HPSE2: variants seen among roughly 807,000 people sequenced by gnomAD.
The protein encoded by HPSE2 is heparanase 2 (inactive), also known as inactive heparanase-2.
A neutral mutation model predicts 60.5 loss-of-function variants in HPSE2; 38 were observed. The observed-to-expected ratio is 0.63, with a 90% confidence interval of 0.48 to 0.82. The LOEUF (loss-of-function observed/expected upper bound fraction) is 0.82. Among genes scored for constraint, HPSE2 ranks in the 40% least tolerant of loss-of-function variants. HPSE2 has a pLI of 0.00. For missense variants in HPSE2, 713 were observed against 740.4 expected, an observed-to-expected ratio of 0.96 and a Z score of 0.43; for synonymous variants, 295 against 293.2, an observed-to-expected ratio of 1.01 and a Z score of -0.06.
rs146450980 is a variant in HPSE2 at position 98,911,246 on chromosome 10, ATTGT to A, written c.611-167194_611-167191del. Among the ~76,000 whole-genome samples, 532 of 152,242 alleles carry A rather than the reference ATTGT, an allele frequency of 3.5e-3. 2 individuals are homozygous for A. The highest frequency in any genetic ancestry group is 0.012 in the African/African-American group (508 of 41,536). The stretch of plus-strand genomic sequence containing the variant: ...CACATTAATTGGAGTCAACTTCCAG[ATTGT>A]TTGTTAGGAGCTGCAGGAGATAAGT... On this transcript the variant is annotated intron_variant, in intron 3 of 11. Coordinates refer to ENST00000370552, the MANE Select transcript of HPSE2 (RefSeq NM_021828.5).
chr10:99,210,216 G>A (rs1426806941), intron 2 of HPSE2, among the ~76,000 whole-genome samples: 3 of 152,086 alleles, frequency 2.0e-5, no homozygotes, highest in African/African-American at 7.2e-5. Flanking sequence ...TACCAAGACT[G>A]AATCGTGAAG....
At chr10:98,532,840 G>A (rs557369319) in intron 9 of HPSE2, among the ~76,000 whole-genome samples, 1 of 152,250 alleles carries the variant, frequency 6.6e-6, no homozygotes, top group African/African-American at 2.4e-5. Context: ...TGCAGACCCT[G>A]GAAGAGCTTC....
intron 7 of HPSE2, among the ~76,000 whole-genome samples, chr10:98,632,086 C>T (rs1338497594): frequency 2.0e-5 from 3 of 152,112 alleles, no homozygotes; most frequent in African/African-American, 7.2e-5. Context: ...GTGGGCAATA[C>T]TGAATAGTGT....
At chr10:98,656,820 G>A (rs1375511686) in intron 6 of HPSE2, among the ~76,000 whole-genome samples, 1 of 149,380 alleles carries the variant, frequency 6.7e-6, no homozygotes, top group Non-Finnish European at 1.5e-5. Context: ...GGAGTGCAGT[G>A]GCCTGATTTT....
chr10:99,164,590 C>T (rs1426342683), intron 2 of HPSE2, among the ~76,000 whole-genome samples: 1 of 152,014 alleles, frequency 6.6e-6, no homozygotes, highest in Non-Finnish European at 1.5e-5. Flanking sequence ...GGTATCACTA[C>T]TTCTAGACCC....
Position 99,211,262 on chromosome 10 carries a change from T to C in HPSE2, c.448+21086A>G, listed in dbSNP as rs1274469841. Among the ~76,000 whole-genome samples the C allele has an allele frequency of 3.3e-5, 5 of 151,994 alleles. No individual in the cohort carries two copies. In the South Asian group the frequency reaches 1.0e-3, roughly 32 times the overall value. ...ATCCCATGTTCATGGATTCAAAGAA[T>C]AAATATCATTGAAATATCCATACTA... On this transcript the variant is annotated intron_variant, in intron 2 of 11. Coordinates refer to ENST00000370552, the MANE Select transcript of HPSE2 (RefSeq NM_021828.5).
At chr10:98,480,257 T>C (rs1024636226) in intron 11 of HPSE2, among the ~76,000 whole-genome samples, 1 of 151,242 alleles carries the variant, frequency 6.6e-6, no homozygotes, top group African/African-American at 2.4e-5. Context: ...AATTTTTGTA[T>C]TTTTTTTGTA....
At chr10:98,528,063 A>T (rs1024368128) in intron 9 of HPSE2, among the ~76,000 whole-genome samples, 10 of 151,920 alleles carry the variant, frequency 6.6e-5, no homozygotes, top group African/African-American at 2.4e-4. Context: ...CTTTGAAAAA[A>T]CTTTTTTTTC....
intron 5 of HPSE2, among the ~76,000 whole-genome samples, chr10:98,716,241 C>A (rs1173991460): frequency 6.6e-6 from 1 of 151,928 alleles, no homozygotes; most frequent in Non-Finnish European, 1.5e-5. Flanking sequence ...ATGCCCACTA[C>A]ATCTGCAGTT....
chr10:98,596,467 G>T (rs932076334), intron 9 of HPSE2, among the ~76,000 whole-genome samples: 45 of 71,824 alleles, frequency 6.3e-4, no homozygotes, highest in Non-Finnish European at 1.5e-3. Context: ...TTACTAATTA[G>T]CATCCTTTTT....
chr10:99,060,216 A>G (rs1958205820), intron 3 of HPSE2, among the ~76,000 whole-genome samples: 1 of 152,178 alleles, frequency 6.6e-6, no homozygotes, highest in Admixed American at 6.6e-5. Context: ...ATTTGGGGAC[A>G]TATTTTTATG....
chr10:98,467,664 G>A lies in HPSE2; in HGVS notation c.1614-7925C>T, dbSNP rs6584207. On this transcript the variant is annotated intron_variant, in intron 11 of 11. Coordinates refer to ENST00000370552, the MANE Select transcript of HPSE2 (RefSeq NM_021828.5). ...ATGGTGCCAGGACAGTCTGACTTCG[G>A]GGTGGCACCCAGGAAGCCGGAATGC... Among the ~76,000 whole-genome samples, 101 of 152,092 alleles carry A rather than the reference G, an allele frequency of 6.6e-4. 1 individual carries two copies. In the South Asian group the frequency reaches 0.021, roughly 31 times the overall value.
At position 99,235,618 on chromosome 10, in the gene HPSE2, A is replaced by G; in HGVS notation, c.185T>C (p.Leu62Pro). ...AAGLKEKTLI[L>P]LDVSTKNPVR... ...TGGGTTCTTGGTGCTCACATCAAGT[A>G]GAATCAGGGTCTTTTCCTTCAAACC... is the stretch of plus-strand genomic sequence containing the variant. The change falls in exon 1 of 12, where the codon CTA becomes CCA. Residue 62 changes from leucine to proline, a missense_variant. By Grantham distance (98) the Leu-to-Pro change is moderately conservative. Transcript: ENST00000370552. 6.2e-7 allele frequency: 1 copy of G among 1,614,098 alleles called. No homozygotes were observed. The highest frequency in any genetic ancestry group is 8.5e-7 in the Non-Finnish European group (1 of 1,180,022).
At chr10:98,571,969 C>T (rs1354064817) in intron 9 of HPSE2, among the ~76,000 whole-genome samples, 2 of 131,068 alleles carry the variant, frequency 1.5e-5, no homozygotes, top group Non-Finnish European at 3.1e-5. Flanking sequence ...GACGGAGTCT[C>T]GTTCTGTTGC....
At chr10:98,992,076 T>C (rs1956539168) in intron 3 of HPSE2, among the ~76,000 whole-genome samples, 1 of 152,226 alleles carries the variant, frequency 6.6e-6, no homozygotes. Flanking sequence ...AATCAAATTT[T>C]AATTTCCTTA....
chr10:99,245,878 T>C, the HPSE2 span, among the ~76,000 whole-genome samples: 1 of 152,214 alleles, frequency 6.6e-6, no homozygotes, highest in African/African-American at 2.4e-5. Flanking sequence ...TGGAGACACC[T>C]AGATGTCCAT....
At chr10:98,463,324 T>C (rs1460804361) in intron 11 of HPSE2, among the ~76,000 whole-genome samples, 2 of 152,214 alleles carry the variant, frequency 1.3e-5, no homozygotes, top group African/African-American at 2.4e-5. Context: ...ACGCTCACTG[T>C]GGATCGCAGA....
At chr10:98,853,577 T>C (rs1472600148) in intron 3 of HPSE2, among the ~76,000 whole-genome samples, 2 of 152,174 alleles carry the variant, frequency 1.3e-5, no homozygotes, top group Middle Eastern at 3.2e-3. Flanking sequence ...TGTTTTGCCA[T>C]AGTGAGGTGG....
At chr10:98,574,649 A>G (rs1214466330) in intron 9 of HPSE2, among the ~76,000 whole-genome samples, 9 of 151,872 alleles carry the variant, frequency 5.9e-5, no homozygotes, top group Non-Finnish European at 1.3e-4. Flanking sequence ...GCAGCCCTGA[A>G]GCAAAGCCCA....
Sources: allele counts gnomAD v4.1 joint callset (sites outside exome capture counted in the v4.1 genomes callset), GRCh38; gene constraint gnomAD v4.1.1; transcripts MANE v1.5; gene names NCBI Gene and HGNC (gene_info 2026-07-23, HGNC 2026-07-21).